Variants in SLC9A3 observed in about 807,000 individuals in gnomAD.
SLC9A3 encodes the protein solute carrier family 9 member A3.
SLC9A3 carries 37 observed loss-of-function variants against 86.8 expected under a neutral mutation model. The observed-to-expected ratio is 0.43, with a 90% CI of 0.33 to 0.56. The LOEUF is 0.56. Ranked by LOEUF, SLC9A3 falls within the 20% of genes least tolerant of loss-of-function variation. The probability of loss-of-function intolerance (pLI) is 0.06; values close to 1 mark genes in which losing one functional copy is unlikely to be tolerated. For synonymous variants in SLC9A3, 581 were observed against 528.3 expected (o/e 1.10, Z -1.37); for missense variants, 1,011 against 1,171.9 (o/e 0.86, Z 2.00).
rs756156907 is a variant in SLC9A3 at position 491,808 on chromosome 5, C to G, written c.475G>C (p.Gly159Arg). 6.3e-7 allele frequency: 1 copy of G among 1,584,824 alleles called. No individual in the cohort carries two copies. The change falls in exon 2 of 17, where the codon GGG becomes CGG. Residue 159 changes from glycine to arginine, a missense_variant. Gly to Arg is a moderately radical substitution (Grantham distance 125). Coordinates refer to ENST00000264938, the MANE Select transcript of SLC9A3 (RefSeq NM_004174.4). The surrounding 1 kb of genome is among the most constrained non-coding windows in gnomAD (Gnocchi z 9.2). The part of the protein sequence containing the change: ...VGTVWNAATT[G>R]LSLYGVFLSG... ...AGGAAGACGCCGTAGAGGGACAGCC[C>G]GGTGGTGGCCGCGTTCCACACGGTA...
rs1738404315 is a variant in SLC9A3, at chr5:472,327, C to T, written c.*1052G>A. On this transcript the variant is annotated 3_prime_UTR_variant, in exon 17 of 17. Coordinates refer to ENST00000264938, the MANE Select transcript of SLC9A3 (RefSeq NM_004174.4). Reference sequence around the variant, plus strand: ...TCTCAGCAGGTTCTCCTTGGAGGGCCTGAGCCTGGTAGGGGGGCGGTGCCC... The same window carrying T: ...TCTCAGCAGGTTCTCCTTGGAGGGCTTGAGCCTGGTAGGGGGGCGGTGCCC... 3.0e-6 allele frequency: 1 copy of T among 337,468 alleles called. No individual in the cohort carries two copies. 20.9% of individuals were successfully genotyped at this position (337,468 alleles called of 1,614,324 possible).
At chr5:481,713 G>A in intron 8 of SLC9A3, 78 bp from the exon 9 acceptor site, 3 of 1,256,664 alleles carry the variant, frequency 2.4e-6, no homozygotes, top group South Asian at 2.4e-5. Flanking sequence ...TCCTGGCCCA[G>A]CCCCGAGGAA....
Position 483,455 on chromosome 5 carries a change from C to A in SLC9A3, c.960G>T (p.Gln320His). The change falls in exon 6 of 17, where the codon CAG (glutamine) becomes CAT (histidine). Residue 320 changes from glutamine to histidine, a missense_variant. By Grantham distance (24) the Gln-to-His change is conservative. Coordinates refer to ENST00000264938, the MANE Select transcript of SLC9A3 (RefSeq NM_004174.4). ...LAITFCGICC[Q>H]KYVKANISEQ... The stretch of plus-strand genomic sequence containing the variant: ...CCGAGATGTTGGCCTTCACATACTT[C>A]TGACAGCAGATGCCACAGAAGGTGA... The A allele has an allele frequency of 6.3e-7, 1 of 1,583,738 alleles. No individual in the cohort carries two copies. Among genetic ancestry groups the A allele is most frequent in the East Asian group, 2.3e-5 (1 of 43,352 alleles).
At chr5:477,085 A>G (rs1471389779) in intron 11 of SLC9A3, 2 of 513,848 alleles carry the variant, frequency 3.9e-6, no homozygotes, top group African/African-American at 3.8e-5. Flanking sequence ...GGCCAGGGGC[A>G]AACACGTCAG....
At chr5:475,825 C>T (rs1738691160) in intron 14 of SLC9A3, among the ~76,000 whole-genome samples, 154 bp from the exon 15 acceptor site, 1 of 152,186 alleles carries the variant, frequency 6.6e-6, no homozygotes, top group Non-Finnish European at 1.5e-5. Flanking sequence ...AGGGACCCCA[C>T]TTAGAGGGCA....
intron 1 of SLC9A3, among the ~76,000 whole-genome samples, chr5:521,276 G>A (rs1053962835): frequency 1.3e-5 from 2 of 152,238 alleles, no homozygotes; most frequent in Non-Finnish European, 2.9e-5. Flanking sequence ...AGCAGCACCT[G>A]TTCCTTGCCC....
chr5:484,661 A>G lies in SLC9A3; in HGVS notation c.791T>C (p.Val264Ala). 9 of 1,613,058 alleles carry G rather than the reference A, an allele frequency of 5.6e-6. No homozygotes were observed. The highest frequency in any genetic ancestry group is 7.6e-6 in the Non-Finnish European group (9 of 1,179,944). The change falls in exon 5 of 17, where the codon GTG becomes GCG. Residue 264 changes from valine (V) to alanine (A), a missense_variant. Val to Ala is a moderately conservative substitution (Grantham distance 64). This residue lies in a region of SLC9A3 where 565 missense variants were observed against 790.0 expected (regional missense o/e 0.72). Coordinates refer to ENST00000264938, the MANE Select transcript of SLC9A3 (RefSeq NM_004174.4). ...FFVVSLGGTL[V>A]GVVFAFLLSL... ...CAGCAGGAAGGCGAAGACCACCCCC[A>G]CCAGCGTGCCCCCCAGGCTCACCAC... is the stretch of plus-strand genomic sequence containing the variant.
At chr5:524,019 G>T in intron 1 of SLC9A3, 93 bp downstream of exon 1, 1 of 848,788 alleles carries the variant, frequency 1.2e-6, no homozygotes, top group Non-Finnish European at 1.7e-6. Context: ...GCGCGGCTCC[G>T]ACCTGATGCG....
In SLC9A3 at chr5:475,056, A is replaced by G. The variant is rs762979002; in HGVS notation, c.2328T>C (p.Ser776=). 3 of 1,611,788 alleles carry G rather than the reference A, an allele frequency of 1.9e-6. No individual in the cohort carries two copies. The highest frequency in any genetic ancestry group is 1.7e-5 in the Admixed American group (1 of 59,936). ...GCGAGGGGACCACCGTCTCCCCGGG[A>G]GACAGCCAGGGCGGCAGCCTGGCCA... ...SLLARLPPWL[S]PGETVVPSQR... The change falls in exon 16 of 17, where the codon TCT becomes TCC. Residue 776 remains serine (S), a synonymous_variant. Transcript: ENST00000264938.
chr5:482,510 G>C, intron 7 of SLC9A3, 38 bp downstream of exon 7: 1 of 1,545,044 alleles, frequency 6.5e-7, no homozygotes, highest in Non-Finnish European at 8.9e-7. Flanking sequence ...CCTCGCGGGC[G>C]GGGCCGAGAC....
At chr5:475,861 G>A (rs1259759081) in intron 14 of SLC9A3, among the ~76,000 whole-genome samples, 159 bp downstream of exon 14, 2 of 152,114 alleles carry the variant, frequency 1.3e-5, no homozygotes, top group Non-Finnish European at 2.9e-5. Flanking sequence ...CATCCTGGGT[G>A]GGTCTGCAGC....
chr5:523,786 G>A (rs1206958602), intron 1 of SLC9A3, among the ~76,000 whole-genome samples: 1 of 152,136 alleles, frequency 6.6e-6, no homozygotes, highest in Non-Finnish European at 1.5e-5. Flanking sequence ...ACCCGGCCCC[G>A]GGGACTCCCT....
At chr5:481,892 G>C (rs1266594018) in intron 8 of SLC9A3, among the ~76,000 whole-genome samples, 176 bp downstream of exon 8, 3 of 12,964 alleles carry the variant, frequency 2.3e-4, no homozygotes, top group Admixed American at 8.2e-4. Flanking sequence ...GCCCCCCCCC[G>C]CCCCCCAGCC....
intron 1 of SLC9A3, among the ~76,000 whole-genome samples, chr5:518,792 C>T (rs1347051781): frequency 2.6e-5 from 4 of 152,086 alleles, no homozygotes; most frequent in Admixed American, 1.3e-4. Flanking sequence ...TCACAGGGAG[C>T]GCCACACACG....
chr5:479,817 G>T lies in SLC9A3; in HGVS notation c.1647+19C>A. ...AGCCTGCTGCAGCCCCGACCCGGCAGAGCAAGCGGCTCTGCTACCTCAGCC... is the reference window on the plus strand; with the variant it reads ...AGCCTGCTGCAGCCCCGACCCGGCATAGCAAGCGGCTCTGCTACCTCAGCC... On this transcript the variant is annotated intron_variant, in intron 10 of 16. Transcript: ENST00000264938. 1.2e-6 allele frequency: 2 copies of T among 1,612,258 alleles called. No individual in the cohort carries two copies. The highest frequency in any genetic ancestry group is 2.2e-5 in the South Asian group (2 of 91,058).
At position 480,015 on chromosome 5, in the gene SLC9A3, G is replaced by A. The variant is rs769836881; in HGVS notation, c.1518-50C>T. On this transcript the variant is annotated intron_variant, in intron 9 of 16. Transcript: ENST00000264938. ...AGCCTCAGGTGACAGGCGCCCTAGA[G>A]CCCGCCGGACGCGTGGCCCGGCCCC... 1.9e-6 allele frequency: 3 copies of A among 1,590,444 alleles called. No individual in the cohort carries two copies. The East Asian group carries it at 6.8e-5, about 36-fold the overall frequency.
chr5:482,113 C>T lies in SLC9A3; in HGVS notation c.1401G>A (p.Arg467=), dbSNP rs527832272. The part of the protein sequence containing the change: ...KPLVQWLKVK[R]SEHREPRLNE... ...TGAGCCGAGGTTCCCGGTGCTCGCT[C>T]CTCTTCACCTTCAGCCACTGCACCA... Residue 467 remains arginine, a synonymous_variant, in exon 8 of 17, where the codon AGG becomes AGA. Transcript: ENST00000264938. 282 of 1,610,508 alleles carry T rather than the reference C, an allele frequency of 1.8e-4. No individual in the cohort carries two copies. The highest frequency in any genetic ancestry group is 2.1e-4 in the Non-Finnish European group (250 of 1,179,250).
chr5:488,319 G>A lies in SLC9A3; in HGVS notation c.672C>T (p.Thr224=), dbSNP rs369810588. 3.2e-5 allele frequency: 51 copies of A among 1,612,518 alleles called. No individual in the cohort carries two copies. Among genetic ancestry groups the A allele is most frequent in the South Asian group, 2.3e-4 (21 of 91,070 alleles). ...GAGCGGTGGCTCCGTTGCTCACCAC[G>A]GTGACTGCGTCGTTCAGCAGCGACT... ...FGESLLNDAV[T]VVLYNVFESF... Residue 224 remains threonine, a synonymous_variant, in exon 3 of 17, where the codon ACC becomes ACT. Transcript: ENST00000264938.
At chr5:486,019 G>A (rs1298124748) in intron 3 of SLC9A3, among the ~76,000 whole-genome samples, 4 of 152,220 alleles carry the variant, frequency 2.6e-5, no homozygotes, top group East Asian at 3.9e-4. Flanking sequence ...CTCTATTCCC[G>A]ATTAAGTCTC....
Sources: gnomAD v4.1 joint callset for allele counts (sites outside exome capture counted in the v4.1 genomes callset) on GRCh38, gnomAD v4.1.1 for gene constraint, gnomAD v4.1.1 regional missense constraint, Gnocchi (gnomAD v3.1) non-coding constraint, MANE v1.5 for transcripts, NCBI Gene and HGNC (gene_info 2026-07-23, HGNC 2026-07-21) for gene names.